CARD10: variants seen among roughly 807,000 people sequenced by gnomAD.
CARD10 encodes the protein caspase recruitment domain family member 10.
Under a neutral mutation model 114.6 loss-of-function variants are expected in CARD10, and 49 were observed. The ratio of observed to expected loss-of-function variants is 0.43; its 90% CI spans 0.34 to 0.54. CARD10 has a LOEUF of 0.54. Among genes scored for constraint, CARD10 ranks in the 20% least tolerant of loss-of-function variants. CARD10 has a pLI of 0.03. For missense variants in CARD10, 1,206 were observed against 1,397.2 expected, an observed-to-expected ratio of 0.86 and a Z score of 2.18; for synonymous variants, 602 against 593.2, an observed-to-expected ratio of 1.01 and a Z score of -0.21.
chr22:37,512,288 A>C (rs577998695), intron 3 of CARD10: 3 of 152,358 alleles, frequency 2.0e-5, no homozygotes, highest in Non-Finnish European at 4.4e-5. Flanking sequence ...AGACAGTGAC[A>C]AGAGTGGCAG....
At chr22:37,510,895 A>T (rs562321318) in intron 3 of CARD10, among the ~76,000 whole-genome samples, 15 of 152,196 alleles carry the variant, frequency 9.9e-5, no homozygotes, top group Admixed American at 7.2e-4. Context: ...CAGCCTGACC[A>T]ACATGGTGAA....
intron 3 of CARD10, 183 bp from the exon 4 acceptor site, chr22:37,510,604 G>C: frequency 1.7e-6 from 1 of 593,554 alleles, no homozygotes; most frequent in Non-Finnish European, 3.0e-6. Context: ...AAACAAACAG[G>C]GCTGAGGAAG....
rs888769239 is a variant in CARD10, at chr22:37,517,081, G to A, written c.374-783C>T. 6.6e-5 allele frequency among the ~76,000 whole-genome samples: 10 copies of A among 152,066 alleles called. No homozygotes were observed. In the South Asian group the frequency reaches 8.3e-4, roughly 13 times the overall value. ...GAGAAATTCTTCTCAGAACCTCTTC[G>A]CCTGAGACACATTTGCACAAAGACG... On this transcript the variant is annotated intron_variant, in intron 2 of 19. Transcript: ENST00000251973.
intron 15 of CARD10, chr22:37,494,452 T>C (rs1922922092): frequency 1.9e-6 from 1 of 538,622 alleles, no homozygotes; most frequent in African/African-American, 1.9e-5. Context: ...GGAGGAGCCT[T>C]AGGTATACCC....
At chr22:37,504,856 G>T in intron 7 of CARD10, 87 bp from the exon 8 acceptor site, 2 of 707,978 alleles carry the variant, frequency 2.8e-6, no homozygotes, top group South Asian at 4.1e-5. Context: ...CCATGTGCCA[G>T]CACAGGGACA....
At position 37,496,334 on chromosome 22, in the gene CARD10, G is replaced by A. The variant is rs1215134708; in HGVS notation, c.2059+115C>T. On this transcript the variant is annotated intron_variant, in intron 13 of 19. Coordinates refer to ENST00000251973, the MANE Select transcript of CARD10 (RefSeq NM_014550.4). The surrounding 1 kb of genome is among the most constrained non-coding windows in gnomAD (Gnocchi z 4.1). ...TCAGCAGGCGGGGAGCCAGGAGAAG[G>A]GCAATTGGGGCAAGGCTGGTCCCTT... is the stretch of plus-strand genomic sequence containing the variant. 5.5e-6 allele frequency: 4 copies of A among 730,444 alleles called. No individual in the cohort carries two copies. Among genetic ancestry groups the A allele is most frequent in the Non-Finnish European group, 9.1e-6 (4 of 441,950 alleles). The allele number at this position is 730,444 out of a possible 1,614,324, so 45.2% of individuals were successfully genotyped here.
chr22:37,491,406 G>A lies in CARD10; in HGVS notation c.2865-13C>T. The stretch of plus-strand genomic sequence containing the variant: ...GCCCAGCAGACCCCTGCCGAGAGAA[G>A]AGTGAGCAGCGGTCAAAGTGGGGGA... On this transcript the variant is annotated splice_polypyrimidine_tract_variant and intron_variant, in intron 19 of 19. Coordinates refer to ENST00000251973, the MANE Select transcript of CARD10 (RefSeq NM_014550.4). The A allele has an allele frequency of 6.8e-7, 1 of 1,462,786 alleles. No individual in the cohort carries two copies. The highest frequency in any genetic ancestry group is 9.0e-7 in the Non-Finnish European group (1 of 1,107,402). The allele number at this position is 1,462,786 out of a possible 1,614,324, so 90.6% of individuals were successfully genotyped here. A position where few individuals can be genotyped will look rare whatever the true frequency, so the allele number is the denominator to read the frequency against.
At chr22:37,498,059 A>G (rs1415811112) in intron 11 of CARD10, among the ~76,000 whole-genome samples, 1 of 152,154 alleles carries the variant, frequency 6.6e-6, no homozygotes, top group African/African-American at 2.4e-5. Context: ...CTGAAGGAAT[A>G]TATCAGAGCA....
intron 6 of CARD10, among the ~76,000 whole-genome samples, chr22:37,506,610 C>A (rs1923419039): frequency 6.6e-6 from 1 of 152,164 alleles, no homozygotes; most frequent in Non-Finnish European, 1.5e-5. Context: ...ACTGGGGAAA[C>A]CAAGCCAGGA....
chr22:37,491,813 C>T lies in CARD10; in HGVS notation c.2806G>A (p.Glu936Lys). The change falls in exon 19 of 20, where the codon GAG becomes AAG. Residue 936 changes from glutamate to lysine, a missense_variant. Glu to Lys is a moderately conservative substitution (Grantham distance 56, BLOSUM62 1). Coordinates refer to ENST00000251973, the MANE Select transcript of CARD10 (RefSeq NM_014550.4). ...ARGVRELVQN[E>K]IYPIVIHVEV... is the part of the protein sequence containing the mutation. ...ACGTGGATGACGATGGGGTAGATCTCGTTCTGCACCAGCTCCCGCACACCC... is the reference window on the plus strand; with the variant it reads ...ACGTGGATGACGATGGGGTAGATCTTGTTCTGCACCAGCTCCCGCACACCC... 1.9e-6 allele frequency: 3 copies of T among 1,544,772 alleles called. No individual in the cohort carries two copies. The highest frequency in any genetic ancestry group is 2.6e-6 in the Non-Finnish European group (3 of 1,137,852).
At chr22:37,503,427 A>G (rs12627982) in intron 9 of CARD10, among the ~76,000 whole-genome samples, 14,188 of 152,194 alleles carry the variant, frequency 0.093, 889 homozygotes, top group East Asian at 0.26. Context: ...CCTCTGTCCA[A>G]TGTTGTTCCA....
chr22:37,492,799 G>A lies in CARD10; in HGVS notation c.2480C>T (p.Pro827Leu), dbSNP rs368352079. Reference protein sequence around the residue: ...DQLLLEPCAEPERSLRPYSLV... With the variant: ...DQLLLEPCAELERSLRPYSLV... ...ACTGTAGGGTCTGAGGCTCCGCTCC[G>A]GCTCTGTGGCAGGGGAGGGGCGCAA... Residue 827 changes from proline to leucine, a missense_variant, in exon 17 of 20, where the codon CCG becomes CTG. Transcript: ENST00000251973. This position sits in a 1 kb window ranked among gnomAD's most constrained non-coding sequence, Gnocchi z 5.7. 34 of 1,610,640 alleles carry A rather than the reference G, an allele frequency of 2.1e-5. No individual in the cohort carries two copies. Among genetic ancestry groups the A allele is most frequent in the Middle Eastern group, 3.3e-4 (2 of 6,070 alleles).
At chr22:37,515,869 T>C (rs1363035649) in intron 3 of CARD10, 104 bp downstream of exon 3, 1 of 924,292 alleles carries the variant, frequency 1.1e-6, no homozygotes, top group Non-Finnish European at 1.6e-6. Flanking sequence ...CTTATCCACG[T>C]CAAAGAGCCA....
intron 6 of CARD10, among the ~76,000 whole-genome samples, 200 bp downstream of exon 6, chr22:37,507,629 T>C (rs1284603887): frequency 1.3e-5 from 2 of 152,218 alleles, no homozygotes; most frequent in African/African-American, 4.8e-5. Context: ...ATGAGGCCAG[T>C]GGGTCCAGGG....
chr22:37,495,496 T>C (rs772830498), intron 15 of CARD10, 21 bp downstream of exon 15: 22 of 1,594,544 alleles, frequency 1.4e-5, no homozygotes, highest in Non-Finnish European at 1.9e-5. Flanking sequence ...CCCCACCCAC[T>C]ACCTGCCCAG....
At chr22:37,506,067 T>C (rs1569165358) in intron 7 of CARD10, 125 bp downstream of exon 7, 2 of 714,732 alleles carry the variant, frequency 2.8e-6, no homozygotes, top group Admixed American at 7.4e-5. Flanking sequence ...TCTTCCCACT[T>C]CCCCCAAGCT....
At chr22:37,500,467 C>T (rs2145759295) in intron 11 of CARD10, among the ~76,000 whole-genome samples, 1 of 152,110 alleles carries the variant, frequency 6.6e-6, no homozygotes, top group South Asian at 2.1e-4. Context: ...ATCTGTCAGC[C>T]CAACCCCCGG....
At position 37,519,096 on chromosome 22, in the gene CARD10, C is replaced by T. The variant is rs986608521; in HGVS notation, c.105G>A (p.Arg35=). 3 of 1,590,388 alleles carry T rather than the reference C, an allele frequency of 1.9e-6. No homozygotes were observed. The highest frequency in any genetic ancestry group is 2.3e-5 in the East Asian group (1 of 44,312). The change falls in exon 1 of 20, where the codon CGG becomes CGA. Residue 35 remains arginine, a synonymous_variant. Transcript: ENST00000251973. The surrounding 1 kb of genome is among the most constrained non-coding windows in gnomAD (Gnocchi z 4.1). The part of the protein sequence containing the change: ...DALWERIEGV[R]HRLARALNPA... ...GGTTCAGGGCGCGAGCCAGCCGATG[C>T]CGGACGCCCTCGATTCGCTCCCACA...
intron 3 of CARD10, among the ~76,000 whole-genome samples, chr22:37,511,640 T>C (rs1042812965): frequency 7.2e-6 from 1 of 138,386 alleles, no homozygotes; most frequent in African/African-American, 3.1e-5. Context: ...ATCTCATCTG[T>C]ACGGGGGGGG....
Sources: allele counts gnomAD v4.1 joint callset (sites outside exome capture counted in the v4.1 genomes callset), GRCh38; gene constraint gnomAD v4.1.1; non-coding constraint Gnocchi (gnomAD v3.1); transcripts MANE v1.5; gene names NCBI Gene and HGNC (gene_info 2026-07-23, HGNC 2026-07-21).